Variants in PPP3CA observed in about 807,000 individuals in gnomAD.
PPP3CA encodes the protein CAM-PRP catalytic subunit.
In PPP3CA, 14 loss-of-function variants were observed where a neutral mutation model predicts 66.5. The observed-to-expected ratio is 0.21, with a 90% CI of 0.14 to 0.33. The LOEUF (loss-of-function observed/expected upper bound fraction) is 0.33. Among genes scored for constraint, PPP3CA ranks in the 10% least tolerant of loss-of-function variants. The probability of loss-of-function intolerance (pLI) is 1.00; values close to 1 mark genes in which losing one functional copy is unlikely to be tolerated. For missense variants in PPP3CA, 317 were observed against 639.5 expected (o/e 0.50, Z 5.44); for synonymous variants, 232 against 226.2 (o/e 1.03, Z -0.23).
intron 13 of PPP3CA, among the ~76,000 whole-genome samples, chr4:101,028,361 AG>A (rs1726766452): frequency 6.6e-6 from 1 of 152,200 alleles, no homozygotes; most frequent in Admixed American, 6.5e-5. Context: ...TCAAGTAAAA[AG>A]CAAATACTAA....
chr4:101,103,650 T>A (rs983544294), intron 3 of PPP3CA, among the ~76,000 whole-genome samples: 2 of 152,182 alleles, frequency 1.3e-5, no homozygotes, highest in African/African-American at 4.8e-5. Context: ...CAACACCTCT[T>A]CACACTTAAA....
intron 1 of PPP3CA, among the ~76,000 whole-genome samples, chr4:101,274,257 T>C (rs1415415403): frequency 6.6e-6 from 1 of 152,100 alleles, no homozygotes; most frequent in South Asian, 2.1e-4. Flanking sequence ...TGAGCTGAGA[T>C]TGCAAGATTG....
intron 1 of PPP3CA, among the ~76,000 whole-genome samples, chr4:101,299,858 A>G (rs1231324356): frequency 6.6e-6 from 1 of 152,168 alleles, no homozygotes; most frequent in Non-Finnish European, 1.5e-5. Context: ...CTATATCATC[A>G]AGGACCAGCA....
Position 101,098,459 on chromosome 4 carries a change from A to C in PPP3CA, c.550T>G (p.Cys184Gly). The C allele has an allele frequency of 2.5e-6, 4 of 1,612,514 alleles. No homozygotes were observed. Among genetic ancestry groups the C allele is most frequent in the Non-Finnish European group, 3.4e-6 (4 of 1,179,030 alleles). ...TTCATCAGGGCAGCCAGGGGAAGGC[A>C]GTCAAAGGCATCCATACAGGCATCA... The part of the protein sequence containing the change: ...VYDACMDAFD[C>G]LPLAALMNQQ... Residue 184 changes from cysteine (C) to glycine (G), a missense_variant, in exon 5 of 14, where the codon TGC (cysteine) becomes GGC (glycine). Transcript: ENST00000394854.
intron 1 of PPP3CA, among the ~76,000 whole-genome samples, chr4:101,223,418 G>C (rs188207991): frequency 5.0e-4 from 76 of 151,844 alleles, no homozygotes; most frequent in African/African-American, 1.7e-3. Context: ...AGACCTCTAA[G>C]GCACAGACAG....
intron 1 of PPP3CA, among the ~76,000 whole-genome samples, chr4:101,235,754 T>C (rs1170890992): frequency 2.0e-5 from 3 of 151,872 alleles, no homozygotes; most frequent in Non-Finnish European, 4.4e-5. Flanking sequence ...TTACTTCATG[T>C]GTAGCTTCCC....
intron 12 of PPP3CA, among the ~76,000 whole-genome samples, chr4:101,031,595 T>C (rs1214658934): frequency 6.6e-6 from 1 of 152,214 alleles, no homozygotes; most frequent in Non-Finnish European, 1.5e-5. Context: ...AACAGTCATA[T>C]GCGGCTTCTG....
At chr4:101,345,366 T>G (rs1018308744) in intron 1 of PPP3CA, among the ~76,000 whole-genome samples, 9 of 152,248 alleles carry the variant, frequency 5.9e-5, no homozygotes, top group Non-Finnish European at 1.2e-4. Flanking sequence ...GTCTTTGGGC[T>G]GCTGGGTTAC....
intron 1 of PPP3CA, among the ~76,000 whole-genome samples, chr4:101,331,823 TATGCTATATTATAA>T (rs1452989118): frequency 9.2e-5 from 14 of 152,158 alleles, no homozygotes; most frequent in Non-Finnish European, 1.3e-4. Flanking sequence ...CAATGTAACA[TATGCTATATTATAA>T]ATATTTTCAG....
At chr4:101,255,034 T>C (rs1232494415) in intron 1 of PPP3CA, among the ~76,000 whole-genome samples, 1 of 84,716 alleles carries the variant, frequency 1.2e-5, no homozygotes, top group Non-Finnish European at 2.3e-5. Context: ...GAGTCCCGTC[T>C]CAAAAAAAAA....
intron 2 of PPP3CA, among the ~76,000 whole-genome samples, chr4:101,163,553 C>T (rs1723589530): frequency 6.6e-6 from 1 of 152,062 alleles, no homozygotes; most frequent in Non-Finnish European, 1.5e-5. Flanking sequence ...TTATTCCCAC[C>T]CTTTCTTCCA....
intron 1 of PPP3CA, among the ~76,000 whole-genome samples, chr4:101,290,876 T>C (rs1728001530): frequency 6.6e-6 from 1 of 152,124 alleles, no homozygotes; most frequent in Non-Finnish European, 1.5e-5. Context: ...GATACAGTGA[T>C]TGGTTTTGAG....
At chr4:101,255,537 CCTCT>C (rs987553348) in intron 1 of PPP3CA, among the ~76,000 whole-genome samples, 4 of 151,640 alleles carry the variant, frequency 2.6e-5, no homozygotes, top group Non-Finnish European at 4.4e-5. Flanking sequence ...TACAGACCCT[CCTCT>C]CTAATATTTT....
At chr4:101,236,020 C>CT (rs139637209) in intron 1 of PPP3CA, among the ~76,000 whole-genome samples, 2,023 of 151,424 alleles carry the variant, frequency 0.013, 50 homozygotes, top group African/African-American at 0.047. Flanking sequence ...AAAACACTGA[C>CT]TGCCAAGCTC....
At chr4:101,131,274 AAAT>A (rs1560618124) in intron 2 of PPP3CA, among the ~76,000 whole-genome samples, 3 of 144,608 alleles carry the variant, frequency 2.1e-5, no homozygotes, top group African/African-American at 7.5e-5. Flanking sequence ...ATAAATAAAT[AAAT>A]AAAATAAAAA....
intron 1 of PPP3CA, among the ~76,000 whole-genome samples, chr4:101,344,864 T>C (rs1277009266): frequency 6.6e-6 from 1 of 152,350 alleles, no homozygotes; most frequent in Admixed American, 6.5e-5. Context: ...CTAGTATCAT[T>C]TGAATTATAA....
chr4:101,026,082 A>AAAAG (rs1560567407), intron 13 of PPP3CA, 21 bp from the exon 14 acceptor site: 1 of 1,564,996 alleles, frequency 6.4e-7, no homozygotes, highest in East Asian at 2.3e-5. Context: ...AATCATTAAA[A>AAAAG]AAAGAAAACC....
Position 101,346,963 on chromosome 4 carries a change from T to A in PPP3CA, c.-167A>T. On this transcript the variant is annotated 5_prime_UTR_variant, in exon 1 of 14. Coordinates refer to ENST00000394854, the MANE Select transcript of PPP3CA (RefSeq NM_000944.5). ...GAGCTGGCTTTAAAGTTGCTGCCTT[T>A]TCCGCGCGTCCCTCCTCCGCCGCCG... 1 of 730,492 alleles carries A rather than the reference T, an allele frequency of 1.4e-6. No homozygotes were observed. The highest frequency in any genetic ancestry group is 2.2e-6 in the Non-Finnish European group (1 of 451,516). The allele number at this position is 730,492 out of a possible 1,614,324, so 45.3% of individuals were successfully genotyped here.
At position 101,221,791 on chromosome 4, in the gene PPP3CA, T is replaced by TA. The variant is rs964675221; in HGVS notation, c.59-25676dup. On this transcript the variant is annotated intron_variant, in intron 1 of 13. Transcript: ENST00000394854. The stretch of plus-strand genomic sequence containing the variant: ...ATACTTATTGTACAAAAATAATATA[T>TA]AACAGCATCATTTAGTAACTTTTCT... 1.4e-4 allele frequency among the ~76,000 whole-genome samples: 21 copies of TA among 151,592 alleles called. 1 individual carries two copies. The highest frequency in any genetic ancestry group is 1.4e-3 in the Admixed American group (21 of 15,172).
Sources: gnomAD v4.1 joint callset for allele counts (sites outside exome capture counted in the v4.1 genomes callset) on GRCh38, gnomAD v4.1.1 for gene constraint, MANE v1.5 for transcripts, NCBI Gene and HGNC (gene_info 2026-07-23, HGNC 2026-07-21) for gene names.